The following ZNF251 variants were observed in gnomAD, a reference collection of about 807,000 sequenced individuals.
ZNF251 encodes the protein zinc finger protein 251.
ZNF251 carries 14 observed loss-of-function variants against 13.5 expected under a neutral mutation model. The ratio of observed to expected loss-of-function variants is 1.04; its 90% confidence interval spans 0.69 to 1.63. The LOEUF is 1.63. Ranked by LOEUF, ZNF251 falls within the 40% of genes most tolerant of loss-of-function variation. ZNF251 has a pLI of 0.00. For missense variants in ZNF251, 764 were observed against 834.9 expected, an observed-to-expected ratio of 0.92 and a Z score of 1.05; for synonymous variants, 287 against 295.2, an observed-to-expected ratio of 0.97 and a Z score of 0.28.
Position 144,729,526 on chromosome 8 carries a change from C to T in ZNF251, c.278-6144G>A, listed in dbSNP as rs374816716. On this transcript the variant is annotated intron_variant, in intron 4 of 4. Coordinates refer to ENST00000292562, the MANE Select transcript of ZNF251 (RefSeq NM_138367.2). ...TAATTTTTTGTATTTTTAGTAGAGA[C>T]GGGGTTTCACTGTGTTAACCAGGAT... 1.4e-3 allele frequency among the ~76,000 whole-genome samples: 216 copies of T among 151,876 alleles called. 1 individual carries two copies. Among genetic ancestry groups the T allele is most frequent in the Non-Finnish European group, 2.4e-3 (162 of 67,926 alleles).
intron 4 of ZNF251, among the ~76,000 whole-genome samples, chr8:144,752,218 A>G (rs538800431): frequency 6.6e-6 from 1 of 151,890 alleles, no homozygotes; most frequent in East Asian, 1.9e-4. Flanking sequence ...ACTGATATTT[A>G]TCTAACCCCC....
At position 144,732,799 on chromosome 8, in the gene ZNF251, G is replaced by A. The variant is rs1461161300; in HGVS notation, c.278-9417C>T. Among the ~76,000 whole-genome samples the A allele has an allele frequency of 2.4e-3, 311 of 131,908 alleles. 1 individual carries two copies. Among genetic ancestry groups the A allele is most frequent in the Admixed American group, 0.019 (235 of 12,522 alleles). 86.5% of individuals were successfully genotyped at this position (131,908 alleles called of 152,430 possible). On this transcript the variant is annotated intron_variant, in intron 4 of 4. Transcript: ENST00000292562. ...TGCACTCCAGCCTGGGCGACAGAGC[G>A]AGACTCCGTCTCAAAAAAAAAAAAA...
chr8:144,722,310 C>T lies in ZNF251; in HGVS notation c.1350G>A (p.Gln450=). 4.3e-6 allele frequency: 7 copies of T among 1,613,556 alleles called. No homozygotes were observed. The highest frequency in any genetic ancestry group is 5.9e-6 in the Non-Finnish European group (7 of 1,179,616). ...TCTCCCCAGTGTGAACTCTTCGATG[C>T]TGAACAAGAGTGGAACTCCGACGAA... ...KAFRRSSTLV[Q]HRRVHTGEKP... Residue 450 remains glutamine (Q), a synonymous_variant, in exon 5 of 5, where the codon CAG becomes CAA. Coordinates refer to ENST00000292562, the MANE Select transcript of ZNF251 (RefSeq NM_138367.2). This position sits in a 1 kb window ranked among gnomAD's most constrained non-coding sequence, Gnocchi z 4.8.
At chr8:144,738,946 A>C (rs1824028638) in intron 4 of ZNF251, among the ~76,000 whole-genome samples, 1 of 152,158 alleles carries the variant, frequency 6.6e-6, no homozygotes, top group South Asian at 2.1e-4. Flanking sequence ...GTGACACTTG[A>C]AACAGCGCCA....
At chr8:144,742,109 G>A (rs1280721158) in intron 4 of ZNF251, among the ~76,000 whole-genome samples, 2 of 151,728 alleles carry the variant, frequency 1.3e-5, no homozygotes, top group Non-Finnish European at 2.9e-5. Flanking sequence ...AGTGACCCAC[G>A]ACACACCACG....
intron 4 of ZNF251, among the ~76,000 whole-genome samples, chr8:144,748,183 CCTGT>C (rs1317229354): frequency 3.3e-5 from 5 of 151,922 alleles, no homozygotes; most frequent in South Asian, 2.1e-4. Flanking sequence ...AAGTGATTCT[CCTGT>C]CTTAGTCTCT....
At chr8:144,745,908 A>G (rs1386287842) in intron 4 of ZNF251, among the ~76,000 whole-genome samples, 1 of 152,116 alleles carries the variant, frequency 6.6e-6, no homozygotes, top group Non-Finnish European at 1.5e-5. Flanking sequence ...TGACATCATG[A>G]TAATACTGAG....
At position 144,754,220 on chromosome 8, in the gene ZNF251, C is replaced by T. The variant is rs778817410; in HGVS notation, c.135G>A (p.Leu45=). The T allele has an allele frequency of 4.3e-6, 7 of 1,614,064 alleles. No individual in the cohort carries two copies. Among genetic ancestry groups the T allele is most frequent in the Non-Finnish European group, 5.9e-6 (7 of 1,179,952 alleles). The change falls in exon 3 of 5, where the codon CTG becomes CTA. Residue 45 remains leucine (L), a synonymous_variant. Coordinates refer to ENST00000292562, the MANE Select transcript of ZNF251 (RefSeq NM_138367.2). ...QQRALYRDVM[L]ENYGNVASLG... is the part of the protein sequence containing the mutation. ...GAGAGGCCACGTTCCCATAGTTCTCCAGCATCACATCCCGGTAGAGCGCCC... is the reference window on the plus strand; with the variant it reads ...GAGAGGCCACGTTCCCATAGTTCTCTAGCATCACATCCCGGTAGAGCGCCC...
At chr8:144,726,733 G>C (rs1399704128) in intron 4 of ZNF251, among the ~76,000 whole-genome samples, 1 of 151,958 alleles carries the variant, frequency 6.6e-6, no homozygotes, top group Non-Finnish European at 1.5e-5. Context: ...AGCCAGGCGC[G>C]GTGGCAGGTG....
Position 144,723,145 on chromosome 8 carries a change from C to G in ZNF251, c.515G>C (p.Arg172Thr), listed in dbSNP as rs1182945768. 3 of 1,613,294 alleles carry G rather than the reference C, an allele frequency of 1.9e-6. No homozygotes were observed. The highest frequency in any genetic ancestry group is 1.7e-6 in the Non-Finnish European group (2 of 1,179,580). The change falls in exon 5 of 5, where the codon AGG (arginine) becomes ACG (threonine). Residue 172 changes from arginine to threonine, a missense_variant. Physicochemically the swap from Arg to Thr is moderately conservative, Grantham distance 71 (BLOSUM62 -1). Coordinates refer to ENST00000292562, the MANE Select transcript of ZNF251 (RefSeq NM_138367.2). ...KRVLTEATVG[R>T]ERSLGERTQE... ...GGTTCTTTCTCCCAAAGATCTTTCC[C>G]TGCCCACGGTAGCTTCTGTTAAAAC...
intron 4 of ZNF251, chr8:144,729,909 A>C (rs189196840): frequency 9.1e-5 from 32 of 349,850 alleles, no homozygotes; most frequent in African/African-American, 7.1e-4. Flanking sequence ...TCAACAGGTT[A>C]CATGTGTTTT....
intron 4 of ZNF251, among the ~76,000 whole-genome samples, chr8:144,733,587 G>C (rs918711273): frequency 2.6e-5 from 4 of 152,164 alleles, no homozygotes; most frequent in African/African-American, 9.6e-5. Flanking sequence ...TAATGGAGCA[G>C]GAGCCCTCCT....
intron 4 of ZNF251, among the ~76,000 whole-genome samples, chr8:144,741,902 A>G (rs967049004): frequency 5.9e-5 from 9 of 152,226 alleles, no homozygotes; most frequent in Non-Finnish European, 1.2e-4. Context: ...AGGAGACCAG[A>G]GAGAGAATGG....
chr8:144,738,529 T>C (rs1357421835), intron 4 of ZNF251: 2 of 982,392 alleles, frequency 2.0e-6, no homozygotes, highest in Non-Finnish European at 2.4e-6. Context: ...CAGGAGGGTG[T>C]GGCTTTACTC....
At position 144,754,214 on chromosome 8, in the gene ZNF251, G is replaced by C; in HGVS notation, c.141C>G (p.Asn47Lys). Residue 47 changes from asparagine (N) to lysine (K), a missense_variant, in exon 3 of 5, where the codon AAC (asparagine) becomes AAG (lysine). By Grantham distance (94) the Asn-to-Lys change is moderately conservative. Transcript: ENST00000292562. ...RALYRDVMLE[N>K]YGNVASLGFP... ...CACCCAGAGAGGCCACGTTCCCATA[G>C]TTCTCCAGCATCACATCCCGGTAGA... The C allele has an allele frequency of 6.2e-7, 1 of 1,614,004 alleles. No individual in the cohort carries two copies.
At chr8:144,743,370 T>C (rs1824261015) in intron 4 of ZNF251, among the ~76,000 whole-genome samples, 1 of 152,156 alleles carries the variant, frequency 6.6e-6, no homozygotes, top group African/African-American at 2.4e-5. Context: ...GGCCAATCAT[T>C]TCCTTTTAGC....
chr8:144,744,007 GTCTT>G (rs1563766718), intron 4 of ZNF251, among the ~76,000 whole-genome samples: 3 of 121,222 alleles, frequency 2.5e-5, no homozygotes, highest in Non-Finnish European at 5.2e-5. Flanking sequence ...TTCTCTCGTT[GTCTT>G]TTTTTTTTTT....
Position 144,742,576 on chromosome 8 carries a change from G to T in ZNF251, c.277+11107C>A, listed in dbSNP as rs914507732. ...CATGACCATCTAAAATCTCAGTTTA[G>T]GGCTCACTCGTGGTGCCGCGTGATC... On this transcript the variant is annotated intron_variant, in intron 4 of 4. Coordinates refer to ENST00000292562, the MANE Select transcript of ZNF251 (RefSeq NM_138367.2). Among the ~76,000 whole-genome samples the T allele has an allele frequency of 2.7e-5, 4 of 149,892 alleles. No homozygotes were observed. The Admixed American group carries it at 2.7e-4, about 10-fold the overall frequency.
intron 2 of ZNF251, 43 bp from the exon 3 acceptor site, chr8:144,754,364 C>A: frequency 1.3e-6 from 2 of 1,537,444 alleles, no homozygotes; most frequent in Non-Finnish European, 1.8e-6. Flanking sequence ...GCCCACGGGG[C>A]AGCAGCCTGC....
Sources: allele counts gnomAD v4.1 joint callset (sites outside exome capture counted in the v4.1 genomes callset), GRCh38; gene constraint gnomAD v4.1.1; non-coding constraint Gnocchi (gnomAD v3.1); transcripts MANE v1.5; gene names NCBI Gene and HGNC (gene_info 2026-07-23, HGNC 2026-07-21).